Variants in ZEB2 observed in about 807,000 individuals in gnomAD.
ZEB2 encodes zinc finger E-box binding homeobox 2, also known as zinc finger E-box-binding homeobox 2.
In ZEB2, 6 loss-of-function variants were observed where a neutral mutation model predicts 99.9. The observed-to-expected ratio is 0.06, with a 90% CI of 0.03 to 0.12. ZEB2 has a LOEUF of 0.12. ZEB2 is among the 10% of genes least tolerant of loss of function. ZEB2 has a pLI of 1.00. For synonymous variants in ZEB2, 517 were observed against 542.5 expected (o/e 0.95, Z 0.65); for missense variants, 969 against 1,502.8 (o/e 0.64, Z 5.87).
In ZEB2 at chr2:144,386,835, C is replaced by T. The variant is rs535461597; in HGVS notation, c.*2616G>A. 17 of 151,784 alleles carry T rather than the reference C, an allele frequency of 1.1e-4. No individual in the cohort carries two copies. The highest frequency in any genetic ancestry group is 2.0e-4 in the Admixed American group (3 of 15,256). 9.4% of individuals were successfully genotyped at this position (151,784 alleles called of 1,614,324 possible). ...TTTGTGCCATTCAAAGAAGGAGAAA[C>T]GAGGATAGAATTTTCTAAACTTTCC... is the stretch of plus-strand genomic sequence containing the variant. On this transcript the variant is annotated 3_prime_UTR_variant, in exon 10 of 10. Coordinates refer to ENST00000627532, the MANE Select transcript of ZEB2 (RefSeq NM_014795.4).
At position 144,386,595 on chromosome 2, in the gene ZEB2, GAGTT is replaced by G; in HGVS notation, c.*2852_*2855del. ...ACACTTTCTTCTTTCCAAGGAGAAA[GAGTT>G]AGGTTGCACATTCATTGTTTGTTGG... On this transcript the variant is annotated 3_prime_UTR_variant, in exon 10 of 10. Coordinates refer to ENST00000627532, the MANE Select transcript of ZEB2 (RefSeq NM_014795.4). 2 of 152,300 alleles carry G rather than the reference GAGTT, an allele frequency of 1.3e-5. No individual in the cohort carries two copies. Among genetic ancestry groups the G allele is most frequent in the Middle Eastern group, 6.8e-3 (2 of 294 alleles). The allele number at this position is 152,300 out of a possible 1,614,324, so 9.4% of individuals were successfully genotyped here. A position where few individuals can be genotyped will look rare whatever the true frequency, so the allele number is the denominator to read the frequency against.
rs886054886 is a variant in ZEB2, at chr2:144,387,391, G to T, written c.*2060C>A. 1.3e-5 allele frequency: 2 copies of T among 151,998 alleles called. No homozygotes were observed. The highest frequency in any genetic ancestry group is 2.9e-5 in the Non-Finnish European group (2 of 67,982). 9.4% of individuals were successfully genotyped at this position (151,998 alleles called of 1,614,324 possible). A position where few individuals can be genotyped will look rare whatever the true frequency, so the allele number is the denominator to read the frequency against. ...AGCAGAATCTAGTTTCTTGATAAAA[G>T]TCATTATGTAAAACCTACGAATACA... On this transcript the variant is annotated 3_prime_UTR_variant, in exon 10 of 10. Transcript: ENST00000627532.
intron 4 of ZEB2, chr2:144,405,389 T>C (rs141804648): frequency 5.9e-4 from 144 of 242,044 alleles, no homozygotes; most frequent in African/African-American, 3.1e-3. Flanking sequence ...AGATTAAGCC[T>C]ATTTTAATAG....
chr2:144,476,203 G>A (rs747555795), intron 2 of ZEB2, among the ~76,000 whole-genome samples: 8 of 150,874 alleles, frequency 5.3e-5, no homozygotes, highest in Admixed American at 2.6e-4. Context: ...TCTCATTTGC[G>A]CCATTTGATT....
rs1471472517 is a variant in ZEB2, at chr2:144,385,390, T to C, written c.*4061A>G. 1 of 152,186 alleles carries C rather than the reference T, an allele frequency of 6.6e-6. No homozygotes were observed. The highest frequency in any genetic ancestry group is 1.5e-5 in the Non-Finnish European group (1 of 68,020). 9.4% of individuals were successfully genotyped at this position (152,186 alleles called of 1,614,324 possible). ...AATCTATAATAAGGTGGTTTTCATA[T>C]ATATATTTTTTCCCCATGTGAATTC... On this transcript the variant is annotated 3_prime_UTR_variant, in exon 10 of 10. Coordinates refer to ENST00000627532, the MANE Select transcript of ZEB2 (RefSeq NM_014795.4).
chr2:144,473,278 A>T (rs534057255), intron 2 of ZEB2, among the ~76,000 whole-genome samples: 8 of 152,188 alleles, frequency 5.3e-5, no homozygotes, highest in Admixed American at 1.3e-4. Context: ...GGTATTTCCC[A>T]CTGCAATGGA....
At chr2:144,428,070 T>C (rs947326468) in intron 3 of ZEB2, 4 of 152,206 alleles carry the variant, frequency 2.6e-5, no homozygotes, top group Non-Finnish European at 4.4e-5. Flanking sequence ...TAAAAGAGGT[T>C]TGGGGCTGTA....
rs1452223504 is a variant in ZEB2, at chr2:144,386,253, C to G, written c.*3198G>C. On this transcript the variant is annotated 3_prime_UTR_variant, in exon 10 of 10. Coordinates refer to ENST00000627532, the MANE Select transcript of ZEB2 (RefSeq NM_014795.4). ...TCTGATGTTACTAAAATGCACATCT[C>G]TTGGTTGTGGAGGGGAATTTCTTGT... 1.3e-5 allele frequency: 2 copies of G among 152,156 alleles called. No homozygotes were observed. Among genetic ancestry groups the G allele is most frequent in the Non-Finnish European group, 2.9e-5 (2 of 68,016 alleles). 9.4% of individuals were successfully genotyped at this position (152,156 alleles called of 1,614,324 possible). A position where few individuals can be genotyped will look rare whatever the true frequency, so the allele number is the denominator to read the frequency against.
chr2:144,504,114 C>G (rs923674922), intron 2 of ZEB2: 1 of 146,144 alleles, frequency 6.8e-6, no homozygotes, highest in Non-Finnish European at 1.5e-5. Context: ...AAACAAACCA[C>G]CTTAATTTCC....
At chr2:144,499,561 T>C (rs540107378) in intron 2 of ZEB2, among the ~76,000 whole-genome samples, 122 of 152,338 alleles carry the variant, frequency 8.0e-4, no homozygotes, top group African/African-American at 2.8e-3. Context: ...CTTTATTAAC[T>C]GGTTTTAGAT....
intron 4 of ZEB2, among the ~76,000 whole-genome samples, chr2:144,416,367 T>C (rs376316740): frequency 2.2e-4 from 33 of 152,366 alleles, no homozygotes; most frequent in African/African-American, 7.9e-4. Context: ...TAAATAATAG[T>C]ATAGTCTTGT....
intron 6 of ZEB2, among the ~76,000 whole-genome samples, chr2:144,402,423 G>C (rs1356330875): frequency 1.3e-5 from 2 of 152,130 alleles, no homozygotes; most frequent in Non-Finnish European, 2.9e-5. Flanking sequence ...AGATCAAGCA[G>C]AGCCCAGCCC....
intron 2 of ZEB2, among the ~76,000 whole-genome samples, chr2:144,439,637 T>C (rs1014767914): frequency 8.5e-5 from 13 of 152,250 alleles, no homozygotes; most frequent in Non-Finnish European, 1.8e-4. Context: ...CTTTGGAATA[T>C]AAAATTGTTA....
At chr2:144,515,647 C>A (rs1318076675) in intron 2 of ZEB2, among the ~76,000 whole-genome samples, 1 of 151,782 alleles carries the variant, frequency 6.6e-6, no homozygotes, top group East Asian at 1.9e-4. Flanking sequence ...GCAAATAGAT[C>A]AAAGACAGCA....
intron 9 of ZEB2, chr2:144,390,424 G>A (rs950984179): frequency 6.3e-6 from 2 of 317,966 alleles, no homozygotes; most frequent in African/African-American, 4.4e-5. Context: ...TTGTACAAAA[G>A]TGATAAAGAT....
chr2:144,429,425 T>C (rs1392637353), intron 3 of ZEB2: 1 of 314,016 alleles, frequency 3.2e-6, no homozygotes, highest in Non-Finnish European at 6.1e-6. Flanking sequence ...AGTTTTTACA[T>C]TTGCTTCCAT....
At chr2:144,513,321 A>G (rs537528521) in intron 2 of ZEB2, 21 of 1,297,916 alleles carry the variant, frequency 1.6e-5, no homozygotes, top group Non-Finnish European at 2.0e-5. Flanking sequence ...AGCCCTGAGA[A>G]CATTCAACTT....
Position 144,389,059 on chromosome 2 carries a change from G to A in ZEB2, c.*392C>T, listed in dbSNP as rs190200609. The A allele has an allele frequency of 2.2e-4, 103 of 463,418 alleles. No homozygotes were observed. In the Middle Eastern group the frequency reaches 4.2e-3, roughly 19 times the overall value. 28.7% of individuals were successfully genotyped at this position (463,418 alleles called of 1,614,324 possible). A position where few individuals can be genotyped will look rare whatever the true frequency, so the allele number is the denominator to read the frequency against. ...TAACAATAATAATAATAAAAATACTGATGTATGGTAGTGCGGGCACCTTTT... is the reference window on the plus strand; with the variant it reads ...TAACAATAATAATAATAAAAATACTAATGTATGGTAGTGCGGGCACCTTTT... On this transcript the variant is annotated 3_prime_UTR_variant, in exon 10 of 10. Coordinates refer to ENST00000627532, the MANE Select transcript of ZEB2 (RefSeq NM_014795.4). This position sits in a 1 kb window ranked among gnomAD's most constrained non-coding sequence, Gnocchi z 6.8.
intron 2 of ZEB2, among the ~76,000 whole-genome samples, chr2:144,436,010 T>C (rs1378781803): frequency 6.6e-6 from 1 of 152,108 alleles, no homozygotes; most frequent in African/African-American, 2.4e-5. Flanking sequence ...CAAGGTTCAA[T>C]TTCTTATTTA....
Sources: gnomAD v4.1 joint callset for allele counts (sites outside exome capture counted in the v4.1 genomes callset) on GRCh38, gnomAD v4.1.1 for gene constraint, Gnocchi (gnomAD v3.1) non-coding constraint, MANE v1.5 for transcripts, NCBI Gene and HGNC (gene_info 2026-07-23, HGNC 2026-07-21) for gene names.